ADGRL2: variants seen among roughly 807,000 people sequenced by gnomAD.
ADGRL2 encodes adhesion G protein-coupled receptor L2, also known as calcium-independent alpha-latrotoxin receptor 2.
Under a neutral mutation model 157.4 loss-of-function variants are expected in ADGRL2, and 44 were observed. The ratio of observed to expected loss-of-function variants is 0.28; its 90% CI spans 0.22 to 0.36. The LOEUF is 0.36. Among genes scored for constraint, ADGRL2 ranks in the 10% least tolerant of loss-of-function variants. The probability of loss-of-function intolerance (pLI) is 1.00; values close to 1 mark genes in which losing one functional copy is unlikely to be tolerated. For synonymous variants in ADGRL2, 585 were observed against 624.7 expected (o/e 0.94, Z 0.95); for missense variants, 1,510 against 1,768.9 (o/e 0.85, Z 2.63).
intron 2 of ADGRL2, among the ~76,000 whole-genome samples, chr1:81,904,436 C>T (rs1394442206): frequency 6.6e-6 from 1 of 152,070 alleles, no homozygotes. Context: ...AATACTCAGA[C>T]TGGGTAATTT....
chr1:81,432,837 T>A (rs1223005031), intron 1 of ADGRL2, among the ~76,000 whole-genome samples: 1 of 152,148 alleles, frequency 6.6e-6, no homozygotes, highest in African/African-American at 2.4e-5. Context: ...GCATGGGGAA[T>A]GTGCAGCATC....
At chr1:81,636,942 TCTC>T (rs2082126606) in intron 3 of ADGRL2, among the ~76,000 whole-genome samples, 1 of 152,126 alleles carries the variant, frequency 6.6e-6, no homozygotes, top group African/African-American at 2.4e-5. Flanking sequence ...TTCAAGCAAT[TCTC>T]CTGCCTCAAC....
chr1:81,721,624 C>A, intron 1 of ADGRL2: 1 of 681,790 alleles, frequency 1.5e-6, no homozygotes, highest in South Asian at 1.7e-5. Flanking sequence ...TCTGTGCGGT[C>A]ACGCCAAGCC....
chr1:81,832,469 C>T (rs921385191), intron 1 of ADGRL2, among the ~76,000 whole-genome samples: 1 of 152,116 alleles, frequency 6.6e-6, no homozygotes, highest in African/African-American at 2.4e-5. Context: ...CTAGAGTCCT[C>T]AGGCAGTTTT....
intron 1 of ADGRL2, among the ~76,000 whole-genome samples, chr1:81,807,918 A>C (rs1017251419): frequency 6.6e-6 from 1 of 151,734 alleles, no homozygotes; most frequent in Non-Finnish European, 1.5e-5. Flanking sequence ...ATTTTTTGAT[A>C]TATTCTTATC....
intron 2 of ADGRL2, among the ~76,000 whole-genome samples, chr1:81,453,548 C>T (rs976766504): frequency 6.6e-6 from 1 of 152,036 alleles, no homozygotes; most frequent in African/African-American, 2.4e-5. Context: ...GACTTTTGCA[C>T]CACCCAACAT....
In ADGRL2 at chr1:81,981,788, A is replaced by T. The variant is rs753377497; in HGVS notation, c.3114-20A>T. On this transcript the variant is annotated intron_variant, in intron 18 of 23. Coordinates refer to ENST00000686636, the MANE Select transcript of ADGRL2 (RefSeq NM_001366006.2). ...TTTTGCTCATTGAACCTGTTAAAAA[A>T]GTTCACTTTATTTTTCCAGGTCTTG... is the stretch of plus-strand genomic sequence containing the variant. 2.5e-6 allele frequency: 4 copies of T among 1,596,094 alleles called. No individual in the cohort carries two copies. Among genetic ancestry groups the T allele is most frequent in the Middle Eastern group, 3.4e-4 (2 of 5,932 alleles).
intron 2 of ADGRL2, among the ~76,000 whole-genome samples, chr1:81,572,645 T>C (rs1340154794): frequency 6.6e-6 from 1 of 152,098 alleles, no homozygotes; most frequent in Non-Finnish European, 1.5e-5. Context: ...ATAAACACCA[T>C]TACTGGAATA....
At chr1:81,644,059 C>T (rs375000885) in intron 3 of ADGRL2, among the ~76,000 whole-genome samples, 51 of 152,136 alleles carry the variant, frequency 3.4e-4, no homozygotes, top group African/African-American at 1.2e-3. Flanking sequence ...GAATAGAGCC[C>T]AGAAATAGAC....
At chr1:81,880,192 T>C (rs2093950748) in intron 2 of ADGRL2, among the ~76,000 whole-genome samples, 1 of 152,206 alleles carries the variant, frequency 6.6e-6, no homozygotes, top group Non-Finnish European at 1.5e-5. Flanking sequence ...TGACTATTCC[T>C]ATAAGAGCCC....
At chr1:81,514,472 C>T (rs1378341448) in intron 2 of ADGRL2, among the ~76,000 whole-genome samples, 1 of 152,244 alleles carries the variant, frequency 6.6e-6, no homozygotes, top group African/African-American at 2.4e-5. Flanking sequence ...TCCAGGGGTG[C>T]AAAATGGCTA....
At chr1:81,567,525 T>C (rs1322411161) in intron 2 of ADGRL2, among the ~76,000 whole-genome samples, 1 of 152,080 alleles carries the variant, frequency 6.6e-6, no homozygotes, top group Non-Finnish European at 1.5e-5. Context: ...ATCTTCCTCT[T>C]CAAAAGTTAA....
chr1:81,468,282 C>T (rs1362376756), intron 2 of ADGRL2, among the ~76,000 whole-genome samples: 1 of 152,116 alleles, frequency 6.6e-6, no homozygotes, highest in Non-Finnish European at 1.5e-5. Flanking sequence ...GCTAATAGCT[C>T]AGCCTTGTCC....
intron 3 of ADGRL2, among the ~76,000 whole-genome samples, chr1:81,652,076 A>G (rs1281986740): frequency 1.3e-5 from 2 of 152,166 alleles, no homozygotes; most frequent in East Asian, 1.9e-4. Flanking sequence ...TTGTTATACT[A>G]CCTTAGAATC....
chr1:81,452,162 T>G (rs1462887918), intron 2 of ADGRL2, among the ~76,000 whole-genome samples: 1 of 152,218 alleles, frequency 6.6e-6, no homozygotes, highest in Non-Finnish European at 1.5e-5. Context: ...TTGTGACTTA[T>G]CTGTCCAATT....
chr1:81,725,638 G>T (rs544159557), intron 1 of ADGRL2, among the ~76,000 whole-genome samples: 3 of 152,164 alleles, frequency 2.0e-5, no homozygotes, highest in Non-Finnish European at 4.4e-5. Flanking sequence ...ACGTGTACTT[G>T]GTTTAACTCA....
rs138758689 is a variant in ADGRL2, at chr1:81,766,428, T to C, written c.-101+4576T>C. ...AAATATTTTAAAAGTAAATAGATAT[T>C]TTTGATGTGTTATTGAATTGTATTA... On this transcript the variant is annotated intron_variant, in intron 2 of 20. Coordinates refer to the ADGRL2 transcript ENST00000359929. Among the ~76,000 whole-genome samples, 868 of 152,278 alleles carry C rather than the reference T, an allele frequency of 5.7e-3. 8 individuals are homozygous for C. Among genetic ancestry groups the C allele is most frequent in the African/African-American group, 0.019 (792 of 41,554 alleles).
chr1:81,905,188 C>T (rs1377599843), intron 2 of ADGRL2, among the ~76,000 whole-genome samples: 3 of 151,722 alleles, frequency 2.0e-5, no homozygotes, highest in African/African-American at 7.3e-5. Context: ...ACCCCCGCCT[C>T]CCAGGTTCAA....
chr1:81,464,594 G>T lies in ADGRL2; in HGVS notation c.-248+19505G>T, dbSNP rs79767132. ...TCTAGGACAAGAACTCATCATAATGGACTTGATAATAAAACACTGGTAGAC... is the reference window on the plus strand; with the variant it reads ...TCTAGGACAAGAACTCATCATAATGTACTTGATAATAAAACACTGGTAGAC... On this transcript the variant is annotated intron_variant, in intron 2 of 24. Transcript: ENST00000370721. Among the ~76,000 whole-genome samples the T allele has an allele frequency of 3.7e-3, 564 of 152,212 alleles. 1 individual carries two copies. Among genetic ancestry groups the T allele is most frequent in the Middle Eastern group, 0.017 (5 of 294 alleles).
Sources: allele counts gnomAD v4.1 joint callset (sites outside exome capture counted in the v4.1 genomes callset), GRCh38; gene constraint gnomAD v4.1.1; transcripts MANE v1.5; gene names NCBI Gene and HGNC (gene_info 2026-07-23, HGNC 2026-07-21).